The following TTC39B variants were observed in gnomAD, a reference collection of about 807,000 sequenced individuals.
TTC39B encodes tetratricopeptide repeat domain 39B, also known as tetratricopeptide repeat protein 39B.
A neutral mutation model predicts 96.6 loss-of-function variants in TTC39B; 92 were observed. The ratio of observed to expected loss-of-function variants is 0.95; its 90% CI spans 0.80 to 1.13. The LOEUF is 1.13. Ranked by LOEUF, TTC39B falls within the 50% of genes most tolerant of loss-of-function variation. The pLI is 0.00. For synonymous variants in TTC39B, 367 were observed against 299.4 expected, an observed-to-expected ratio of 1.23 and a Z score of -2.33; for missense variants, 955 against 809.3, an observed-to-expected ratio of 1.18 and a Z score of -2.18.
chr9:15,270,363 G>T lies in TTC39B; in HGVS notation c.241-2415C>A, dbSNP rs1343454004. Among the ~76,000 whole-genome samples, 3 of 152,136 alleles carry T rather than the reference G, an allele frequency of 2.0e-5. No homozygotes were observed. In the East Asian group the frequency reaches 5.8e-4, roughly 29 times the overall value. On this transcript the variant is annotated intron_variant, in intron 1 of 19. Coordinates refer to ENST00000512701, the Ensembl canonical transcript of TTC39B. ...AGGAACCCAAATCTCACTATGATAA[G>T]CCCAGCTCATAGTCCCTCCGGCAGC...
At chr9:15,303,258 T>C (rs551523030) in intron 1 of TTC39B, among the ~76,000 whole-genome samples, 7 of 152,356 alleles carry the variant, frequency 4.6e-5, no homozygotes, top group East Asian at 1.9e-4. Flanking sequence ...AAATTATATA[T>C]ACAAATTATC....
chr9:15,272,743 T>C (rs1400672238), intron 1 of TTC39B, among the ~76,000 whole-genome samples: 1 of 152,228 alleles, frequency 6.6e-6, no homozygotes, highest in Non-Finnish European at 1.5e-5. Context: ...CAGTACTCTG[T>C]ACTTCATGGA....
chr9:15,301,916 T>G (rs1824604949), intron 1 of TTC39B, among the ~76,000 whole-genome samples: 1 of 152,218 alleles, frequency 6.6e-6, no homozygotes, highest in South Asian at 2.1e-4. Flanking sequence ...AGCCATTTAT[T>G]TCCTAGTCAG....
At chr9:15,182,240 G>A in intron 17 of TTC39B, 67 bp downstream of exon 17, 1 of 1,004,790 alleles carries the variant, frequency 1.0e-6, no homozygotes, top group Admixed American at 2.3e-5. Context: ...ATGTGCACAG[G>A]GAAAAGACAG....
At chr9:15,269,899 T>C (rs540226329) in intron 1 of TTC39B, among the ~76,000 whole-genome samples, 1 of 149,982 alleles carries the variant, frequency 6.7e-6, no homozygotes, top group East Asian at 2.0e-4. Flanking sequence ...CTGGACCTGG[T>C]GGCTTACACC....
Position 15,212,388 on chromosome 9 carries a change from A to G in TTC39B, c.483-991T>C, listed in dbSNP as rs1820256912. The stretch of plus-strand genomic sequence containing the variant: ...AAAGCTCTTTCAAGAAGCAAAAAAA[A>G]AAAAAAAAATGATTCAAGTGAGGGA... On this transcript the variant is annotated intron_variant, in intron 4 of 19. Transcript: ENST00000512701. 3.9e-5 allele frequency among the ~76,000 whole-genome samples: 6 copies of G among 152,104 alleles called. No individual in the cohort carries two copies. The South Asian group carries it at 1.2e-3, about 32-fold the overall frequency.
At chr9:15,217,787 C>T (rs141327574) in intron 3 of TTC39B, among the ~76,000 whole-genome samples, 1 of 152,156 alleles carries the variant, frequency 6.6e-6, no homozygotes, top group Non-Finnish European at 1.5e-5. Context: ...CTTCCTAAAA[C>T]AGATGCTCAT....
intron 3 of TTC39B, among the ~76,000 whole-genome samples, chr9:15,221,277 G>C (rs936931502): frequency 6.6e-6 from 1 of 152,188 alleles, no homozygotes; most frequent in Admixed American, 6.5e-5. Flanking sequence ...AATGAGTAGG[G>C]AAGAGCTCTC....
chr9:15,253,312 G>T (rs567563107), intron 2 of TTC39B, among the ~76,000 whole-genome samples: 1 of 152,336 alleles, frequency 6.6e-6, no homozygotes, highest in South Asian at 2.1e-4. Flanking sequence ...ACAGAAGGTG[G>T]TGGGACCATG....
At chr9:15,295,382 G>C (rs1257131889) in intron 1 of TTC39B, among the ~76,000 whole-genome samples, 2 of 152,172 alleles carry the variant, frequency 1.3e-5, no homozygotes, top group African/African-American at 4.8e-5. Context: ...AGTCAAGTTT[G>C]AGAAGTTTGT....
chr9:15,195,670 CAAAAA>C (rs35318510), intron 8 of TTC39B, among the ~76,000 whole-genome samples: 30 of 66,318 alleles, frequency 4.5e-4, no homozygotes, highest in African/African-American at 1.6e-3. Context: ...ACTCCATCTC[CAAAAA>C]AAAAAAAAAA....
intron 1 of TTC39B, among the ~76,000 whole-genome samples, chr9:15,298,577 T>C (rs1478247599): frequency 1.3e-5 from 2 of 152,094 alleles, no homozygotes; most frequent in African/African-American, 4.8e-5. Flanking sequence ...ACTTATTCAC[T>C]GTCACAAGAA....
intron 18 of TTC39B, among the ~76,000 whole-genome samples, chr9:15,176,854 T>C (rs1192623249): frequency 6.6e-6 from 1 of 152,196 alleles, no homozygotes; most frequent in Admixed American, 6.5e-5. Context: ...ATACTGCATT[T>C]GTGATACAGA....
intron 1 of TTC39B, among the ~76,000 whole-genome samples, chr9:15,302,298 C>T (rs1587042329): frequency 7.0e-6 from 1 of 143,704 alleles, no homozygotes; most frequent in Admixed American, 7.4e-5. Context: ...TGCACTCCAG[C>T]TTGGGTGACC....
In TTC39B at chr9:15,227,992, T is replaced by G. The variant is rs34742511; in HGVS notation, c.276-1980A>C. On this transcript the variant is annotated intron_variant, in intron 2 of 19. Coordinates refer to ENST00000512701, the Ensembl canonical transcript of TTC39B. ...ATGTTATATTTAATCGTTTATAATT[T>G]AAATAAATGGTACAAGATAGTGCTG... Among the ~76,000 whole-genome samples the G allele has an allele frequency of 3.2e-3, 489 of 152,288 alleles. 1 individual carries two copies. Among genetic ancestry groups the G allele is most frequent in the Non-Finnish European group, 5.5e-3 (371 of 68,020 alleles).
rs971753119 is a variant in TTC39B at position 15,287,609 on chromosome 9, G to A, written c.240+19475C>T. ...GACTGGACTTGCATATATCAAACAG[G>A]GGCACCTTCATTTAAGTTAAAATGT... On this transcript the variant is annotated intron_variant, in intron 1 of 19. Transcript: ENST00000512701. Among the ~76,000 whole-genome samples the A allele has an allele frequency of 2.6e-5, 4 of 152,138 alleles. No individual in the cohort carries two copies. The East Asian group carries it at 7.7e-4, about 29-fold the overall frequency.
intron 3 of TTC39B, among the ~76,000 whole-genome samples, chr9:15,225,006 T>C (rs1318990958): frequency 2.6e-5 from 4 of 152,144 alleles, no homozygotes; most frequent in Non-Finnish European, 5.9e-5. Context: ...AAAAGTTTAA[T>C]AAACCTCTAA....
chr9:15,267,376 G>C (rs762323618), intron 2 of TTC39B, among the ~76,000 whole-genome samples: 11 of 152,310 alleles, frequency 7.2e-5, no homozygotes, highest in Non-Finnish European at 1.5e-4. Flanking sequence ...TCCTACATTT[G>C]TTATGTTAAC....
intron 14 of TTC39B, among the ~76,000 whole-genome samples, chr9:15,187,618 C>G (rs969470499): frequency 6.6e-6 from 1 of 152,190 alleles, no homozygotes; most frequent in African/African-American, 2.4e-5. Flanking sequence ...TACCACCATG[C>G]CTAGCTAATG....
Sources: allele counts gnomAD v4.1 joint callset (sites outside exome capture counted in the v4.1 genomes callset), GRCh38; gene constraint gnomAD v4.1.1; transcripts MANE v1.5; gene names NCBI Gene and HGNC (gene_info 2026-07-23, HGNC 2026-07-21).